The following RPS6KA2 variants were observed in gnomAD, a reference collection of about 807,000 sequenced individuals.
RPS6KA2 encodes the protein ribosomal protein S6 kinase alpha-2.
Under a neutral mutation model 91.8 loss-of-function variants are expected in RPS6KA2, and 42 were observed. The ratio of observed to expected loss-of-function variants is 0.46; its 90% CI spans 0.36 to 0.59. The LOEUF (loss-of-function observed/expected upper bound fraction) is 0.59, where lower values mean the gene tolerates loss of function less well. Among genes scored for constraint, RPS6KA2 ranks in the 20% least tolerant of loss-of-function variants. The pLI, the probability that RPS6KA2 is intolerant of heterozygous loss-of-function variation, is 0.00. For synonymous variants in RPS6KA2, 414 were observed against 393.6 expected, an observed-to-expected ratio of 1.05 and a Z score of -0.61; for missense variants, 798 against 978.5, an observed-to-expected ratio of 0.82 and a Z score of 2.46.
chr6:166,476,056 G>A (rs1264485715), intron 10 of RPS6KA2, among the ~76,000 whole-genome samples: 2 of 152,160 alleles, frequency 1.3e-5, no homozygotes, highest in Non-Finnish European at 2.9e-5. Context: ...CAGGTATAAT[G>A]AGTCCGGCAT....
chr6:166,692,831 GGA>G (rs1288762403), intron 2 of RPS6KA2, among the ~76,000 whole-genome samples: 2 of 152,184 alleles, frequency 1.3e-5, no homozygotes, highest in Admixed American at 1.3e-4. Flanking sequence ...GCTTGGCGGA[GGA>G]GAGAGAGCAT....
chr6:166,719,271 C>T (rs1790106253), intron 2 of RPS6KA2, among the ~76,000 whole-genome samples: 3 of 152,202 alleles, frequency 2.0e-5, no homozygotes, highest in Admixed American at 2.0e-4. Flanking sequence ...ATTCATCTTC[C>T]AAGCTCACTA....
chr6:166,430,082 C>T lies in RPS6KA2; in HGVS notation c.1581+371G>A, dbSNP rs564340329. 1.1e-4 allele frequency among the ~76,000 whole-genome samples: 16 copies of T among 151,826 alleles called. No homozygotes were observed. The South Asian group carries it at 2.7e-3, about 26-fold the overall frequency. ...AAATAATTCTCCTGCCTCAGCCTCC[C>T]GAGTAGCTAGGATTGCAGGTGTGTG... On this transcript the variant is annotated intron_variant, in intron 16 of 20. Transcript: ENST00000265678.
intron 14 of RPS6KA2, among the ~76,000 whole-genome samples, chr6:166,441,212 C>T (rs4710046): frequency 0.014 from 2,071 of 152,234 alleles, 61 homozygotes; most frequent in East Asian, 0.099. Flanking sequence ...CTCCTAGTCC[C>T]GGCCTCTGTG....
chr6:166,591,411 T>C (rs1458079159), intron 1 of RPS6KA2, among the ~76,000 whole-genome samples: 1 of 152,170 alleles, frequency 6.6e-6, no homozygotes, highest in Non-Finnish European at 1.5e-5. Flanking sequence ...TTGCATGTCT[T>C]GACTTGGAAA....
At chr6:166,583,550 G>T (rs917326256) in intron 1 of RPS6KA2, among the ~76,000 whole-genome samples, 1 of 152,210 alleles carries the variant, frequency 6.6e-6, no homozygotes, top group African/African-American at 2.4e-5. Flanking sequence ...CTACACCAGG[G>T]TTCCCCACCC....
Position 166,468,856 on chromosome 6 carries a change from T to TCCGCCTCA in RPS6KA2, c.972+984_972+985insTGAGGCGG, listed in dbSNP as rs567161437. Among the ~76,000 whole-genome samples the TCCGCCTCA allele has an allele frequency of 6.3e-4, 71 of 112,166 alleles. 14 individuals carry two copies. The highest frequency in any genetic ancestry group is 2.6e-3 in the East Asian group (11 of 4,194). The allele number at this position is 112,166 out of a possible 152,430, so 73.6% of individuals were successfully genotyped here. On this transcript the variant is annotated intron_variant, in intron 11 of 20. Coordinates refer to ENST00000265678, the MANE Select transcript of RPS6KA2 (RefSeq NM_021135.6). ...TCCAGCCTGGGCGACAGAGCGAGACTAAAAAAAAAAAAAAAAAGAAGACAG... is the reference window on the plus strand; with the variant it reads ...TCCAGCCTGGGCGACAGAGCGAGACTCCGCCTCAAAAAAAAAAAAAAAAAAGAAGACAG...
At chr6:166,420,617 T>TTTTGC (rs1271735362) in intron 17 of RPS6KA2, among the ~76,000 whole-genome samples, 2 of 152,214 alleles carry the variant, frequency 1.3e-5, no homozygotes, top group Non-Finnish European at 2.9e-5. Flanking sequence ...GCATGCCACG[T>TTTTGC]TTTGCTTACC....
In RPS6KA2 at chr6:166,418,218, T is replaced by TACTC; in HGVS notation, c.1938+3_1938+6dup. 1 of 1,552,582 alleles carries TACTC rather than the reference T, an allele frequency of 6.4e-7. No homozygotes were observed. The highest frequency in any genetic ancestry group is 8.9e-7 in the Non-Finnish European group (1 of 1,126,366). On this transcript the variant is annotated splice_region_variant and intron_variant, in intron 19 of 20. Coordinates refer to ENST00000265678, the MANE Select transcript of RPS6KA2 (RefSeq NM_021135.6). The surrounding 1 kb of genome is among the most constrained non-coding windows in gnomAD (Gnocchi z 4.9). ...TATTTAAAAGCAACGCTGGGACATG[T>TACTC]ACTCACTTTAGCTGCGTCAGATATC...
intron 1 of RPS6KA2, among the ~76,000 whole-genome samples, chr6:166,617,966 G>A (rs78007777): frequency 0.016 from 2,420 of 152,290 alleles, 70 homozygotes; most frequent in African/African-American, 0.056. Context: ...AGTATTATGG[G>A]GTCCAGGCTG....
chr6:166,628,973 T>G (rs1212256412), upstream of RPS6KA2, among the ~76,000 whole-genome samples: 2 of 152,226 alleles, frequency 1.3e-5, no homozygotes, highest in African/African-American at 2.4e-5. Context: ...TAAGTGCCCA[T>G]GAAAACTGCT....
At chr6:166,564,768 C>G (rs1372854191) in intron 1 of RPS6KA2, among the ~76,000 whole-genome samples, 1 of 152,174 alleles carries the variant, frequency 6.6e-6, no homozygotes, top group Non-Finnish European at 1.5e-5. Context: ...CTTGCTCATC[C>G]TCCCGAGCCA....
At chr6:166,701,035 T>G (rs2128575858) in intron 2 of RPS6KA2, 1 of 1,274,812 alleles carries the variant, frequency 7.8e-7, no homozygotes, top group Non-Finnish European at 1.1e-6. Context: ...CCTGTCTGTT[T>G]GTTAAGCAAT....
intron 2 of RPS6KA2, among the ~76,000 whole-genome samples, chr6:166,721,596 C>T (rs942664364): frequency 6.6e-6 from 1 of 152,230 alleles, no homozygotes; most frequent in African/African-American, 2.4e-5. Flanking sequence ...CTTCGTAAAG[C>T]TAGGCAGCTT....
chr6:166,492,070 CT>C (rs1446063783), intron 8 of RPS6KA2, among the ~76,000 whole-genome samples: 3 of 152,074 alleles, frequency 2.0e-5, no homozygotes, highest in African/African-American at 7.2e-5. Flanking sequence ...TTATGATAGG[CT>C]GCTAGGAGTG....
At chr6:166,845,583 G>A (rs1188254517) in intron 2 of RPS6KA2, among the ~76,000 whole-genome samples, 5 of 152,074 alleles carry the variant, frequency 3.3e-5, no homozygotes, top group African/African-American at 4.8e-5. Context: ...GCAAATACAT[G>A]GAAATCAAAT....
At chr6:166,709,635 A>G (rs541469077) in intron 2 of RPS6KA2, among the ~76,000 whole-genome samples, 120 of 152,346 alleles carry the variant, frequency 7.9e-4, no homozygotes, top group African/African-American at 2.8e-3. Flanking sequence ...ATGGGTTAAG[A>G]GGATTAGTAA....
chr6:166,761,544 C>T (rs1186015823), intron 2 of RPS6KA2, among the ~76,000 whole-genome samples: 2 of 152,234 alleles, frequency 1.3e-5, no homozygotes, highest in African/African-American at 4.8e-5. Context: ...AGAACCAAAA[C>T]GCTCACACAA....
chr6:166,684,047 A>G (rs531332139), intron 2 of RPS6KA2, among the ~76,000 whole-genome samples: 2 of 152,266 alleles, frequency 1.3e-5, no homozygotes, highest in Admixed American at 1.3e-4. Context: ...GGAGGAGTCT[A>G]TAAGGAGGTG....
Sources: gnomAD v4.1 joint callset for allele counts (sites outside exome capture counted in the v4.1 genomes callset) on GRCh38, gnomAD v4.1.1 for gene constraint, Gnocchi (gnomAD v3.1) non-coding constraint, MANE v1.5 for transcripts, NCBI Gene and HGNC (gene_info 2026-07-23, HGNC 2026-07-21) for gene names.